The following KCNIP4 variants were observed in gnomAD, a reference collection of about 807,000 sequenced individuals.
The protein encoded by KCNIP4 is Kv channel-interacting protein 4.
In KCNIP4, 12 loss-of-function variants were observed where a neutral mutation model predicts 34.0. That is an observed-to-expected ratio of 0.35 (90% CI 0.23 to 0.57). The LOEUF (loss-of-function observed/expected upper bound fraction) is 0.57, where lower values mean the gene tolerates loss of function less well. KCNIP4 is among the 20% of genes least tolerant of loss of function. The pLI is 0.83. For synonymous variants in KCNIP4, 124 were observed against 102.2 expected, an observed-to-expected ratio of 1.21 and a Z score of -1.29; for missense variants, 238 against 311.7, an observed-to-expected ratio of 0.76 and a Z score of 1.78.
At chr4:21,919,308 T>C (rs1728814855) in intron 1 of KCNIP4, among the ~76,000 whole-genome samples, 1 of 152,214 alleles carries the variant, frequency 6.6e-6, no homozygotes, top group Non-Finnish European at 1.5e-5. Context: ...TGAAAATCCA[T>C]ATCCAGTTAC....
intron 1 of KCNIP4, among the ~76,000 whole-genome samples, chr4:21,454,630 G>A (rs556057120): frequency 1.3e-5 from 2 of 152,024 alleles, no homozygotes; most frequent in Non-Finnish European, 1.5e-5. Context: ...CCAATATTAA[G>A]AAGCATTAGA....
chr4:21,391,265 C>T (rs1722533140), intron 1 of KCNIP4, among the ~76,000 whole-genome samples: 1 of 152,072 alleles, frequency 6.6e-6, no homozygotes, highest in South Asian at 2.1e-4. Context: ...AAAAAGTAAT[C>T]CTTCAAAATA....
chr4:21,044,124 G>A (rs994199647), intron 1 of KCNIP4, among the ~76,000 whole-genome samples: 1 of 152,086 alleles, frequency 6.6e-6, no homozygotes, highest in East Asian at 1.9e-4. Context: ...AGCCCTAGCA[G>A]CTCCTGGAAG....
At chr4:21,863,420 A>C (rs1259254845) in intron 1 of KCNIP4, among the ~76,000 whole-genome samples, 2 of 152,232 alleles carry the variant, frequency 1.3e-5, no homozygotes, top group Non-Finnish European at 2.9e-5. Flanking sequence ...CTGAACTGTC[A>C]AATATGTACT....
At chr4:21,866,451 C>T (rs904663242) in intron 1 of KCNIP4, among the ~76,000 whole-genome samples, 6 of 152,092 alleles carry the variant, frequency 3.9e-5, no homozygotes, top group Admixed American at 2.6e-4. Flanking sequence ...ATAGGACAGG[C>T]GCCCCAAATG....
At chr4:20,763,276 G>A (rs1755093677) in intron 3 of KCNIP4, among the ~76,000 whole-genome samples, 1 of 152,132 alleles carries the variant, frequency 6.6e-6, no homozygotes, top group Admixed American at 6.6e-5. Context: ...TTTTTTGGAT[G>A]AGGGATAGTC....
At chr4:21,643,490 G>A (rs1746764929) in intron 1 of KCNIP4, among the ~76,000 whole-genome samples, 1 of 152,104 alleles carries the variant, frequency 6.6e-6, no homozygotes, top group Non-Finnish European at 1.5e-5. Flanking sequence ...ATGGACTCAT[G>A]ATGGTTAATT....
intron 1 of KCNIP4, among the ~76,000 whole-genome samples, chr4:21,591,102 G>T (rs1320376161): frequency 6.6e-6 from 1 of 151,890 alleles, no homozygotes; most frequent in Non-Finnish European, 1.5e-5. Flanking sequence ...AAAGAAAAAG[G>T]AAGGAAATAT....
chr4:20,809,517 C>T (rs1365993652), intron 3 of KCNIP4, among the ~76,000 whole-genome samples: 2 of 152,084 alleles, frequency 1.3e-5, no homozygotes, highest in African/African-American at 2.4e-5. Flanking sequence ...GGCTTATAGG[C>T]TATTTCTTTC....
At chr4:20,769,539 C>T (rs574170864) in intron 3 of KCNIP4, among the ~76,000 whole-genome samples, 1 of 152,232 alleles carries the variant, frequency 6.6e-6, no homozygotes, top group South Asian at 2.1e-4. Context: ...GACAATGGTG[C>T]CCTGGGACAA....
intron 1 of KCNIP4, among the ~76,000 whole-genome samples, chr4:21,041,808 T>G (rs1466472611): frequency 6.6e-6 from 1 of 152,162 alleles, no homozygotes; most frequent in African/African-American, 2.4e-5. Flanking sequence ...AGGCAAATAT[T>G]ATTTATCTAA....
rs1484850032 is a variant in KCNIP4 at position 21,638,634 on chromosome 4, C to A, written c.61+309937G>T. Among the ~76,000 whole-genome samples the A allele has an allele frequency of 1.3e-5, 2 of 152,122 alleles. 1 individual carries two copies. On this transcript the variant is annotated intron_variant, in intron 1 of 8. Coordinates refer to ENST00000382152, the MANE Select transcript of KCNIP4 (RefSeq NM_025221.6). ...GGCAGCAAAGATTTCAATTTCTACA[C>A]CCTGGTTTTTGGAAATTCTGTTCTG...
At chr4:21,441,492 C>T (rs1727478853) in intron 1 of KCNIP4, among the ~76,000 whole-genome samples, 1 of 152,028 alleles carries the variant, frequency 6.6e-6, no homozygotes, top group Non-Finnish European at 1.5e-5. Context: ...CACAAGAGTC[C>T]TAATTTGTAG....
intron 1 of KCNIP4, among the ~76,000 whole-genome samples, chr4:20,969,553 TG>T (rs1454664423): frequency 6.7e-6 from 1 of 149,030 alleles, no homozygotes; most frequent in African/African-American, 2.6e-5. Context: ...GCTGCGTGTG[TG>T]TTTGTGTGTG....
At chr4:21,589,247 C>CGT (rs1383256633) in intron 1 of KCNIP4, among the ~76,000 whole-genome samples, 2 of 85,754 alleles carry the variant, frequency 2.3e-5, no homozygotes, top group South Asian at 3.9e-4. Flanking sequence ...TACATATATA[C>CGT]ATATATGTAT....
chr4:21,811,531 A>G (rs572375407), intron 1 of KCNIP4, among the ~76,000 whole-genome samples: 3 of 152,202 alleles, frequency 2.0e-5, no homozygotes, highest in African/African-American at 7.2e-5. Flanking sequence ...GCAAAACTCA[A>G]GCGAAGTGGG....
intron 3 of KCNIP4, among the ~76,000 whole-genome samples, chr4:20,803,908 G>C (rs754367516): frequency 1.3e-5 from 2 of 152,168 alleles, no homozygotes; most frequent in Non-Finnish European, 2.9e-5. Context: ...CTCTGATGTT[G>C]AGTCTGCCAT....
At chr4:20,793,004 T>G (rs918803298) in intron 3 of KCNIP4, among the ~76,000 whole-genome samples, 1 of 152,162 alleles carries the variant, frequency 6.6e-6, no homozygotes. Context: ...CATAGAATAG[T>G]TGGCAATATC....
chr4:20,997,258 T>C (rs1737641681), intron 1 of KCNIP4, among the ~76,000 whole-genome samples: 3 of 151,996 alleles, frequency 2.0e-5, no homozygotes, highest in Admixed American at 2.0e-4. Flanking sequence ...GGAAAACCAG[T>C]GAGTAGGCTG....
Sources: gnomAD v4.1 joint callset for allele counts (sites outside exome capture counted in the v4.1 genomes callset) on GRCh38, gnomAD v4.1.1 for gene constraint, MANE v1.5 for transcripts, NCBI Gene and HGNC (gene_info 2026-07-23, HGNC 2026-07-21) for gene names.